PRKG1: variants seen among roughly 807,000 people sequenced by gnomAD.
PRKG1 encodes cGMP-dependent protein kinase 1.
A neutral mutation model predicts 88.1 loss-of-function variants in PRKG1; 35 were observed. The observed-to-expected ratio is 0.40, with a 90% CI of 0.30 to 0.53. The LOEUF is 0.53. PRKG1 is among the 20% of genes least tolerant of loss of function. PRKG1 has a pLI of 0.59. For synonymous variants in PRKG1, 303 were observed against 292.5 expected (o/e 1.04, Z -0.37); for missense variants, 540 against 839.8 (o/e 0.64, Z 4.41).
intron 5 of PRKG1, among the ~76,000 whole-genome samples, chr10:51,917,792 T>A (rs1203310908): frequency 6.6e-6 from 1 of 152,200 alleles, no homozygotes; most frequent in Non-Finnish European, 1.5e-5. Flanking sequence ...CTAGTTCTAA[T>A]TCTCAGTGAT....
chr10:51,911,650 G>A (rs1023344527), intron 5 of PRKG1, among the ~76,000 whole-genome samples: 1 of 152,174 alleles, frequency 6.6e-6, no homozygotes, highest in Non-Finnish European at 1.5e-5. Context: ...TGTAAATACA[G>A]TACCCAGTAC....
chr10:51,041,510 A>C (rs1157372467), intron 1 of PRKG1, among the ~76,000 whole-genome samples: 1 of 152,124 alleles, frequency 6.6e-6, no homozygotes, highest in African/African-American at 2.4e-5. Context: ...CTGATTATTC[A>C]GGATCCAGTG....
chr10:51,472,460 A>G (rs1465178548), intron 3 of PRKG1, among the ~76,000 whole-genome samples: 6 of 151,944 alleles, frequency 3.9e-5, no homozygotes, highest in South Asian at 4.1e-4. Context: ...CATATGATCT[A>G]TATCTCATTC....
intron 9 of PRKG1, among the ~76,000 whole-genome samples, chr10:52,202,048 T>C (rs1396394840): frequency 1.3e-5 from 2 of 152,164 alleles, no homozygotes; most frequent in Non-Finnish European, 2.9e-5. Context: ...CCTTTCATTT[T>C]TTTTTTCTTG....
chr10:51,963,340 A>C (rs533270322), intron 5 of PRKG1, among the ~76,000 whole-genome samples: 35 of 152,340 alleles, frequency 2.3e-4, no homozygotes, highest in Non-Finnish European at 4.7e-4. Context: ...ATGATTTAGC[A>C]CGTGCTAAAG....
At chr10:51,236,266 CT>C (rs1470662107) in intron 2 of PRKG1, among the ~76,000 whole-genome samples, 1 of 152,086 alleles carries the variant, frequency 6.6e-6, no homozygotes, top group Non-Finnish European at 1.5e-5. Context: ...AACTGCTGAC[CT>C]TAACTCTGCA....
intron 9 of PRKG1, among the ~76,000 whole-genome samples, chr10:52,208,547 A>G (rs983766877): frequency 6.6e-6 from 1 of 152,170 alleles, no homozygotes; most frequent in Admixed American, 6.5e-5. Flanking sequence ...AGCATTACCA[A>G]ATCCACTTAT....
intron 9 of PRKG1, among the ~76,000 whole-genome samples, chr10:52,176,194 T>TG (rs1838862996): frequency 7.8e-6 from 1 of 129,018 alleles, no homozygotes; most frequent in Non-Finnish European, 1.7e-5. Flanking sequence ...TTTTTTTTTT[T>TG]GTAGGGTGAG....
At chr10:51,134,799 A>G (rs1845651210) in intron 1 of PRKG1, among the ~76,000 whole-genome samples, 1 of 152,168 alleles carries the variant, frequency 6.6e-6, no homozygotes, top group African/African-American at 2.4e-5. Context: ...CCTATAGTGT[A>G]CAATATTTGG....
chr10:51,076,782 G>A (rs995246329), intron 1 of PRKG1, among the ~76,000 whole-genome samples: 2 of 152,092 alleles, frequency 1.3e-5, no homozygotes, highest in Non-Finnish European at 2.9e-5. Flanking sequence ...AAGCTGGTGT[G>A]GCAAATAATT....
At chr10:51,735,027 G>A (rs1039434982) in intron 3 of PRKG1, among the ~76,000 whole-genome samples, 2 of 152,176 alleles carry the variant, frequency 1.3e-5, no homozygotes, top group Admixed American at 6.5e-5. Flanking sequence ...CTCTGAAGAA[G>A]CAGAGTGAGA....
chr10:51,227,348 A>G (rs1438628737), intron 2 of PRKG1, among the ~76,000 whole-genome samples: 1 of 152,136 alleles, frequency 6.6e-6, no homozygotes, highest in East Asian at 1.9e-4. Context: ...TAGGTGAAGG[A>G]CATCCTAAAT....
chr10:51,656,864 A>T (rs1244863439), intron 3 of PRKG1, among the ~76,000 whole-genome samples: 1 of 152,084 alleles, frequency 6.6e-6, no homozygotes, highest in East Asian at 1.9e-4. Context: ...TGTCAATTAG[A>T]TTGGTAGCAT....
At chr10:51,699,424 A>C (rs1219941814) in intron 3 of PRKG1, 1 of 1,613,878 alleles carries the variant, frequency 6.2e-7, no homozygotes. Flanking sequence ...GGAAACTGAC[A>C]ACAGAACCAA....
intron 5 of PRKG1, among the ~76,000 whole-genome samples, chr10:52,023,373 C>T (rs903556877): frequency 2.0e-5 from 3 of 152,216 alleles, no homozygotes; most frequent in Non-Finnish European, 4.4e-5. Context: ...CCACAACAAA[C>T]ATACATGTGC....
chr10:51,355,132 C>T (rs1564459261), intron 2 of PRKG1, among the ~76,000 whole-genome samples: 1 of 152,056 alleles, frequency 6.6e-6, no homozygotes, highest in African/African-American at 2.4e-5. Context: ...AAATAACACA[C>T]AAGTAAAATG....
intron 2 of PRKG1, among the ~76,000 whole-genome samples, chr10:51,433,009 C>A (rs1588952858): frequency 6.6e-6 from 1 of 152,116 alleles, no homozygotes; most frequent in East Asian, 1.9e-4. Context: ...ACAGTATGGA[C>A]ATTTTCTAAA....
At chr10:51,159,192 CA>C (rs991146749) in intron 2 of PRKG1, among the ~76,000 whole-genome samples, 1 of 151,978 alleles carries the variant, frequency 6.6e-6, no homozygotes, top group African/African-American at 2.4e-5. Flanking sequence ...CATTGACATT[CA>C]AAGAGGGATT....
At chr10:51,122,854 A>G (rs1589169053) in intron 1 of PRKG1, among the ~76,000 whole-genome samples, 2 of 152,170 alleles carry the variant, frequency 1.3e-5, no homozygotes, top group African/African-American at 4.8e-5. Flanking sequence ...CACTAAAACC[A>G]GGTATCTTCC....
Sources: gnomAD v4.1 joint callset for allele counts (sites outside exome capture counted in the v4.1 genomes callset) on GRCh38, gnomAD v4.1.1 for gene constraint, MANE v1.5 for transcripts, NCBI Gene and HGNC (gene_info 2026-07-23, HGNC 2026-07-21) for gene names.